TTC39B: variants seen among roughly 807,000 people sequenced by gnomAD.
TTC39B encodes tetratricopeptide repeat protein 39B.
A neutral mutation model predicts 96.6 loss-of-function variants in TTC39B; 92 were observed. The ratio of observed to expected loss-of-function variants is 0.95; its 90% CI spans 0.80 to 1.13. The LOEUF is 1.13. TTC39B is among the 50% of genes most tolerant of loss of function. TTC39B has a pLI of 0.00. For synonymous variants in TTC39B, 367 were observed against 299.4 expected (o/e 1.23, Z -2.33); for missense variants, 955 against 809.3 (o/e 1.18, Z -2.18).
chr9:15,225,981 G>A, exon 3 of TTC39B: 12 of 1,613,974 alleles, frequency 7.4e-6, no homozygotes, highest in Non-Finnish European at 9.3e-6. Flanking sequence ...GCAAAGTGAA[G>A]GCTGCTTGTT....
chr9:15,187,021 G>A, exon 15 of TTC39B: 1 of 1,612,394 alleles, frequency 6.2e-7, no homozygotes, highest in African/African-American at 1.3e-5. Flanking sequence ...CTGCTTTCAA[G>A]AACACATAAG....
intron 4 of TTC39B, among the ~76,000 whole-genome samples, chr9:15,213,159 G>C (rs1385498174): frequency 6.6e-6 from 1 of 152,062 alleles, no homozygotes; most frequent in Non-Finnish European, 1.5e-5. Flanking sequence ...TGAGAAAAGA[G>C]AAGGAGAGAC....
At chr9:15,304,784 C>A (rs686030) in intron 1 of TTC39B, among the ~76,000 whole-genome samples, 134,220 of 151,992 alleles carry the variant, frequency 0.88, 59,328 homozygotes, top group East Asian at 0.97. Flanking sequence ...GACAGACTTG[C>A]TCAATCAAGG....
chr9:15,284,849 AT>A (rs1161751574), intron 1 of TTC39B, among the ~76,000 whole-genome samples: 5 of 152,210 alleles, frequency 3.3e-5, no homozygotes, highest in Non-Finnish European at 7.3e-5. Context: ...ATAATGAACA[AT>A]TTAAATAATA....
intron 2 of TTC39B, among the ~76,000 whole-genome samples, chr9:15,264,156 A>G (rs1586977093): frequency 6.6e-6 from 1 of 152,342 alleles, no homozygotes. Flanking sequence ...TGACAGTAGA[A>G]TAAAAGACAC....
At chr9:15,234,709 C>G (rs1266412445) in intron 2 of TTC39B, among the ~76,000 whole-genome samples, 1 of 151,644 alleles carries the variant, frequency 6.6e-6, no homozygotes, top group Non-Finnish European at 1.5e-5. Context: ...GCCTTGGGAT[C>G]CTGTTGATCT....
intron 17 of TTC39B, 99 bp downstream of exon 17, chr9:15,182,208 G>A (rs561609881): frequency 5.7e-6 from 4 of 703,308 alleles, no homozygotes; most frequent in South Asian, 2.3e-5. Flanking sequence ...TCCTTGGGAT[G>A]TACACAAATT....
At chr9:15,211,141 A>T in intron 5 of TTC39B, 125 bp downstream of exon 5, 1 of 1,166,530 alleles carries the variant, frequency 8.6e-7, no homozygotes, top group Non-Finnish European at 1.1e-6. Flanking sequence ...TCGAGGCTGA[A>T]TTTCTTTTCT....
exon 20 of TTC39B, chr9:15,167,904 A>T (rs1285419839): frequency 1.3e-5 from 2 of 152,200 alleles, no homozygotes; most frequent in African/African-American, 4.8e-5. Context: ...TCTAGTACAT[A>T]AGGAGTTTGG....
rs1586920684 is a variant in TTC39B, at chr9:15,229,910, C to T, written c.276-3898G>A. 2.6e-5 allele frequency among the ~76,000 whole-genome samples: 4 copies of T among 152,180 alleles called. No individual in the cohort carries two copies. In the South Asian group the frequency reaches 8.3e-4, roughly 32 times the overall value. ...TTCAGAGTTAGTCATTATAATATTA[C>T]AAGCAAGTCCTGCTGGAGTTTTGAC... On this transcript the variant is annotated intron_variant, in intron 2 of 19. Transcript: ENST00000512701.
chr9:15,239,247 T>C (rs772263917), intron 2 of TTC39B, among the ~76,000 whole-genome samples: 2 of 152,144 alleles, frequency 1.3e-5, no homozygotes, highest in Admixed American at 6.5e-5. Context: ...ATGGCTATTA[T>C]TAAAAAATCA....
intron 17 of TTC39B, among the ~76,000 whole-genome samples, 177 bp downstream of exon 17, chr9:15,182,130 T>G (rs1818278241): frequency 1.3e-5 from 2 of 152,220 alleles, no homozygotes; most frequent in Non-Finnish European, 2.9e-5. Context: ...TTCATGCAGT[T>G]GCAGTGTGTA....
intron 13 of TTC39B, among the ~76,000 whole-genome samples, chr9:15,189,208 A>G (rs1027624275): frequency 3.3e-5 from 5 of 152,310 alleles, no homozygotes; most frequent in South Asian, 2.1e-4. Context: ...TACGGAGCCC[A>G]CACGTAGTAG....
At chr9:15,217,271 C>A (rs1820574142) in intron 3 of TTC39B, among the ~76,000 whole-genome samples, 1 of 152,158 alleles carries the variant, frequency 6.6e-6, no homozygotes, top group Admixed American at 6.5e-5. Context: ...TAACTCCTGC[C>A]AATTCTCGCT....
chr9:15,282,925 T>G (rs1467153445), intron 1 of TTC39B, among the ~76,000 whole-genome samples: 2 of 152,232 alleles, frequency 1.3e-5, no homozygotes, highest in Non-Finnish European at 2.9e-5. Context: ...CTGAGCTATT[T>G]GACAAAGTGA....
rs141607864 is a variant in TTC39B at position 15,175,114 on chromosome 9, G to A, written c.1863C>T (p.Asp621=). Reference sequence around the variant, plus strand: ...ATAGAGTGAACGGCACTAGGTAGTGGTCATACTTCAGTAGCTTTTCACTGA... The same window carrying A: ...ATAGAGTGAACGGCACTAGGTAGTGATCATACTTCAGTAGCTTTTCACTGA... Residue 621 remains aspartate (D), a synonymous_variant, in exon 19 of 20, where the codon GAC becomes GAT. Coordinates refer to ENST00000512701, the Ensembl canonical transcript of TTC39B. The A allele has an allele frequency of 1.9e-5, 31 of 1,612,852 alleles. No individual in the cohort carries two copies. In the African/African-American group the frequency reaches 3.2e-4, roughly 17 times the overall value.
intron 2 of TTC39B, among the ~76,000 whole-genome samples, chr9:15,235,561 A>T (rs1282341401): frequency 6.6e-6 from 1 of 152,192 alleles, no homozygotes; most frequent in Non-Finnish European, 1.5e-5. Context: ...AGGCAACTAG[A>T]AAGAAGGGTC....
intron 2 of TTC39B, chr9:15,250,037 T>C (rs1260756190): frequency 2.4e-5 from 31 of 1,285,860 alleles, no homozygotes; most frequent in Non-Finnish European, 3.1e-5. Context: ...ACCTCAATTT[T>C]AGAGCCAACA....
chr9:15,233,513 G>A (rs1359913286), intron 2 of TTC39B, among the ~76,000 whole-genome samples: 4 of 149,564 alleles, frequency 2.7e-5, no homozygotes, highest in Non-Finnish European at 4.5e-5. Flanking sequence ...ACGCCGCCAC[G>A]CCTGACTGGT....
Sources: allele counts gnomAD v4.1 joint callset (sites outside exome capture counted in the v4.1 genomes callset), GRCh38; gene constraint gnomAD v4.1.1; transcripts MANE v1.5; gene names NCBI Gene and HGNC (gene_info 2026-07-23, HGNC 2026-07-21).